Variants in CFAP43 observed in about 807,000 individuals in gnomAD.
The protein encoded by CFAP43 is cilia and flagella associated protein 43.
CFAP43 carries 155 observed loss-of-function variants against 218.9 expected under a neutral mutation model. The ratio of observed to expected loss-of-function variants is 0.71; its 90% CI spans 0.62 to 0.81. CFAP43 has a LOEUF of 0.81. Among genes scored for constraint, CFAP43 ranks in the 30% least tolerant of loss-of-function variants. The pLI, the probability that CFAP43 is intolerant of heterozygous loss-of-function variation, is 0.00. For missense variants in CFAP43, 1,778 were observed against 1,954.3 expected, an observed-to-expected ratio of 0.91 and a Z score of 1.70; for synonymous variants, 645 against 681.3, an observed-to-expected ratio of 0.95 and a Z score of 0.83.
intron 12 of CFAP43, among the ~76,000 whole-genome samples, chr10:104,190,588 G>A (rs1423835455): frequency 6.6e-6 from 1 of 152,160 alleles, no homozygotes; most frequent in African/African-American, 2.4e-5. Flanking sequence ...CCCAAATGAA[G>A]AGTTTATTGG....
intron 8 of CFAP43, among the ~76,000 whole-genome samples, chr10:104,202,689 T>C (rs1281775271): frequency 6.6e-6 from 1 of 152,186 alleles, no homozygotes; most frequent in Non-Finnish European, 1.5e-5. Flanking sequence ...ACTTTGCTAG[T>C]GTATTTTTCT....
intron 16 of CFAP43, among the ~76,000 whole-genome samples, chr10:104,183,109 C>T (rs967977432): frequency 6.6e-6 from 1 of 152,174 alleles, no homozygotes; most frequent in Non-Finnish European, 1.5e-5. Context: ...CTCATCACCC[C>T]ACCCTGCATT....
At position 104,230,988 on chromosome 10, in the gene CFAP43, A is replaced by T. The variant is rs1428891982; in HGVS notation, c.66-145T>A. On this transcript the variant is annotated intron_variant, in intron 1 of 37. Transcript: ENST00000357060. ...CAATTTCTAAGATAAAAGAACACAC[A>T]TGCTGGCTGTGAGATCCATTTGAGT... is the stretch of plus-strand genomic sequence containing the variant. 1.2e-5 allele frequency: 11 copies of T among 899,320 alleles called. No homozygotes were observed. In the East Asian group the frequency reaches 2.8e-4, roughly 23 times the overall value. 55.7% of individuals were successfully genotyped at this position (899,320 alleles called of 1,614,324 possible).
At chr10:104,229,196 A>C (rs1231659692) in intron 2 of CFAP43, among the ~76,000 whole-genome samples, 1 of 152,196 alleles carries the variant, frequency 6.6e-6, no homozygotes, top group African/African-American at 2.4e-5. Context: ...ATTATAGTGA[A>C]GTTCCCTGAC....
chr10:104,168,648 G>A, intron 21 of CFAP43, 96 bp downstream of exon 21: 1 of 990,640 alleles, frequency 1.0e-6, no homozygotes, highest in South Asian at 1.4e-5. Flanking sequence ...TCAGTGCTTT[G>A]CTATGCCTGA....
intron 4 of CFAP43, 143 bp from the exon 5 acceptor site, chr10:104,212,300 TA>T: frequency 1.4e-6 from 1 of 727,710 alleles, no homozygotes; most frequent in Middle Eastern, 2.6e-4. Flanking sequence ...ATGATAGATT[TA>T]AAAATATATA....
chr10:104,180,468 C>T (rs1297464696), intron 17 of CFAP43, among the ~76,000 whole-genome samples: 15 of 136,240 alleles, frequency 1.1e-4, no homozygotes, highest in Admixed American at 2.3e-4. Context: ...TTTTTTGAGA[C>T]GGAGTCTTGC....
At chr10:104,149,873 A>C (rs1223311150) in intron 28 of CFAP43, among the ~76,000 whole-genome samples, 1 of 152,216 alleles carries the variant, frequency 6.6e-6, no homozygotes, top group African/African-American at 2.4e-5. Flanking sequence ...AATCAATTTT[A>C]GAACATTTCA....
intron 16 of CFAP43, among the ~76,000 whole-genome samples, chr10:104,183,316 A>G (rs1334668423): frequency 1.3e-5 from 2 of 151,922 alleles, no homozygotes; most frequent in Non-Finnish European, 2.9e-5. Context: ...CTTAAGTAAC[A>G]TTGTAACAGA....
At chr10:104,209,805 G>A (rs1304605246) in intron 5 of CFAP43, among the ~76,000 whole-genome samples, 1 of 152,146 alleles carries the variant, frequency 6.6e-6, no homozygotes, top group Admixed American at 6.6e-5. Flanking sequence ...GCTGAATGCA[G>A]TTATATCTCC....
At chr10:104,178,992 G>T in intron 19 of CFAP43, 37 bp downstream of exon 19, 1 of 1,534,418 alleles carries the variant, frequency 6.5e-7, no homozygotes, top group Non-Finnish European at 9.0e-7. Context: ...TTAGAATGAG[G>T]GCCAAAGGTA....
chr10:104,210,722 A>G (rs1261219336), intron 5 of CFAP43, among the ~76,000 whole-genome samples: 1 of 149,964 alleles, frequency 6.7e-6, no homozygotes, highest in Non-Finnish European at 1.5e-5. Flanking sequence ...TTCCTTACAC[A>G]TACCAAGTTC....
intron 27 of CFAP43, among the ~76,000 whole-genome samples, chr10:104,154,326 G>A (rs956951756): frequency 4.6e-5 from 7 of 152,144 alleles, no homozygotes; most frequent in Admixed American, 3.3e-4. Context: ...AATAAGGAAA[G>A]AGACTGATTC....
intron 31 of CFAP43, 42 bp from the exon 32 acceptor site, chr10:104,143,681 A>T (rs758377780): frequency 1.3e-6 from 2 of 1,585,886 alleles, no homozygotes; most frequent in African/African-American, 2.7e-5. Context: ...TCACATTCTC[A>T]TAAAAACATC....
At chr10:104,167,289 C>T (rs1202394918) in intron 22 of CFAP43, among the ~76,000 whole-genome samples, 1 of 152,132 alleles carries the variant, frequency 6.6e-6, no homozygotes, top group African/African-American at 2.4e-5. Flanking sequence ...TCTTAAAATA[C>T]AATCCCTAGT....
chr10:104,156,804 C>T (rs1222956826), intron 27 of CFAP43, among the ~76,000 whole-genome samples: 3 of 152,178 alleles, frequency 2.0e-5, no homozygotes, highest in Non-Finnish European at 4.4e-5. Context: ...TGATATGGTA[C>T]TTTTAGAGAC....
intron 19 of CFAP43, among the ~76,000 whole-genome samples, chr10:104,177,472 C>G (rs954347531): frequency 3.3e-5 from 5 of 152,154 alleles, no homozygotes; most frequent in Admixed American, 6.5e-5. Context: ...GTCTTCTGCC[C>G]TGCAATCTGA....
intron 27 of CFAP43, among the ~76,000 whole-genome samples, chr10:104,153,327 G>T (rs1238338407): frequency 6.6e-6 from 1 of 152,058 alleles, no homozygotes; most frequent in Non-Finnish European, 1.5e-5. Context: ...ATCAAAATAT[G>T]AGGTAAAATT....
chr10:104,167,955 T>C (rs1281508697), intron 21 of CFAP43, among the ~76,000 whole-genome samples: 1 of 152,218 alleles, frequency 6.6e-6, no homozygotes, highest in Non-Finnish European at 1.5e-5. Flanking sequence ...GAAGGGCTGA[T>C]TTTTAGGTCA....
Sources: allele counts gnomAD v4.1 joint callset (sites outside exome capture counted in the v4.1 genomes callset), GRCh38; gene constraint gnomAD v4.1.1; transcripts MANE v1.5; gene names NCBI Gene and HGNC (gene_info 2026-07-23, HGNC 2026-07-21).